Variants in ACTR10 observed in about 807,000 individuals in gnomAD.
ACTR10 encodes actin-related protein 10.
ACTR10 carries 43 observed loss-of-function variants against 56.2 expected under a neutral mutation model. That is an observed-to-expected ratio of 0.77 (90% CI 0.60 to 0.99). The LOEUF is 0.99. ACTR10 is among the 50% of genes least tolerant of loss of function. The pLI, the probability that ACTR10 is intolerant of heterozygous loss-of-function variation, is 0.00. For synonymous variants in ACTR10, 170 were observed against 176.3 expected (o/e 0.96, Z 0.28); for missense variants, 466 against 507.8 (o/e 0.92, Z 0.79).
chr14:58,230,462 A>G lies in ACTR10; in HGVS notation c.852A>G (p.Ile284Met). The G allele has an allele frequency of 6.3e-7, 1 of 1,589,086 alleles. No individual in the cohort carries two copies. ...DNEEQSVATL[I>M]LDSLIQCPID... ...AAGAGCAATCAGTTGCCACTTTAAT[A>G]TTGGATTCCCTTATACAGGTATTTT... The change falls in exon 11 of 13, where the codon ATA (isoleucine) becomes ATG (methionine). Residue 284 changes from isoleucine to methionine, a missense_variant. Ile to Met is a conservative substitution (Grantham distance 10, BLOSUM62 1). Transcript: ENST00000254286.
In ACTR10 at chr14:58,230,448, G is replaced by C. The variant is rs913369403; in HGVS notation, c.838G>C (p.Val280Leu). 6.3e-7 allele frequency: 1 copy of C among 1,588,720 alleles called. No individual in the cohort carries two copies. The highest frequency in any genetic ancestry group is 1.8e-5 in the Admixed American group (1 of 55,462). The stretch of plus-strand genomic sequence containing the variant: ...TGAACAAGATAATGAAGAGCAATCA[G>C]TTGCCACTTTAATATTGGATTCCCT... ...LFEQDNEEQSVATLILDSLIQ... is the reference protein window; with the variant it reads ...LFEQDNEEQSLATLILDSLIQ... Residue 280 changes from valine to leucine, a missense_variant, in exon 11 of 13, where the codon GTT becomes CTT. By Grantham distance (32) the Val-to-Leu change is conservative. Coordinates refer to ENST00000254286, the MANE Select transcript of ACTR10 (RefSeq NM_018477.3).
intron 4 of ACTR10, among the ~76,000 whole-genome samples, chr14:58,210,766 C>T (rs1309512414): frequency 6.6e-6 from 1 of 151,732 alleles, no homozygotes; most frequent in East Asian, 1.9e-4. Context: ...CCTCCGCCTC[C>T]TGGGTTCAAG....
At chr14:58,214,829 G>C (rs909123855) in intron 6 of ACTR10, among the ~76,000 whole-genome samples, 1 of 151,098 alleles carries the variant, frequency 6.6e-6, no homozygotes, top group South Asian at 2.1e-4. Flanking sequence ...AATCGGGCTG[G>C]GTGTGGTGGC....
At position 58,213,701 on chromosome 14, in the gene ACTR10, A is replaced by C; in HGVS notation, c.518+3A>C. 1 of 1,608,454 alleles carries C rather than the reference A, an allele frequency of 6.2e-7. No individual in the cohort carries two copies. Among genetic ancestry groups the C allele is most frequent in the Non-Finnish European group, 8.5e-7 (1 of 1,176,716 alleles). ...CTAGGAGGAAAAGCTCTTCACAAGT[A>C]AGTTTCTTGGAATTTAACATATTCA... On this transcript the variant is annotated splice_donor_region_variant and intron_variant, in intron 6 of 12. Transcript: ENST00000254286.
intron 7 of ACTR10, among the ~76,000 whole-genome samples, chr14:58,216,760 C>G (rs1305550730): frequency 6.6e-6 from 1 of 152,186 alleles, no homozygotes; most frequent in African/African-American, 2.4e-5. Flanking sequence ...AATGGTGAAG[C>G]CTTCCTCATC....
intron 10 of ACTR10, among the ~76,000 whole-genome samples, chr14:58,225,546 T>C (rs111813958): frequency 1.6e-4 from 24 of 152,250 alleles, no homozygotes; most frequent in African/African-American, 5.5e-4. Flanking sequence ...AGTAAGAATG[T>C]AGTACTTTTT....
At chr14:58,221,354 G>C (rs1417797767) in intron 8 of ACTR10, among the ~76,000 whole-genome samples, 1 of 151,850 alleles carries the variant, frequency 6.6e-6, no homozygotes, top group Non-Finnish European at 1.5e-5. Context: ...AGCACTTTGG[G>C]AGGCCAAGGC....
intron 7 of ACTR10, among the ~76,000 whole-genome samples, chr14:58,216,277 A>G (rs919233463): frequency 2.0e-5 from 3 of 152,098 alleles, no homozygotes; most frequent in African/African-American, 7.2e-5. Context: ...GGCGCAAGCC[A>G]CCACACCCAG....
intron 8 of ACTR10, among the ~76,000 whole-genome samples, chr14:58,223,252 T>G (rs1007598905): frequency 1.3e-5 from 2 of 152,154 alleles, no homozygotes; most frequent in African/African-American, 4.8e-5. Context: ...TTCTCCTGCC[T>G]CCTCCTCCGG....
At chr14:58,223,441 A>AAACTC in intron 8 of ACTR10, 181 bp from the exon 9 acceptor site, 1 of 615,002 alleles carries the variant, frequency 1.6e-6, no homozygotes, top group Non-Finnish European at 2.8e-6. Context: ...CCTGGCCAAA[A>AAACTC]CAGGTTTTTT....
At chr14:58,234,333 T>G (rs374754051) in intron 12 of ACTR10, 37 bp from the exon 13 acceptor site, 1 of 1,510,236 alleles carries the variant, frequency 6.6e-7, no homozygotes, top group Non-Finnish European at 8.9e-7. Flanking sequence ...TGGTAAAAGT[T>G]TTCATCTTAG....
In ACTR10 at chr14:58,210,047, C is replaced by A. The variant is rs1482258067; in HGVS notation, c.342+940C>A. Among the ~76,000 whole-genome samples, 4 of 152,042 alleles carry A rather than the reference C, an allele frequency of 2.6e-5. No individual in the cohort carries two copies. In the East Asian group the frequency reaches 7.7e-4, roughly 29 times the overall value. ...CATTTGTAGTAAGGAGAACATAAAG[C>A]AAAACAAGAAGTCGTGTCAGCTGTT... On this transcript the variant is annotated intron_variant, in intron 4 of 12. Transcript: ENST00000254286.
intron 2 of ACTR10, among the ~76,000 whole-genome samples, chr14:58,203,796 A>G (rs1038208666): frequency 6.6e-6 from 1 of 152,248 alleles, no homozygotes; most frequent in African/African-American, 2.4e-5. Flanking sequence ...CAACCAGTAG[A>G]AAGAATGATT....
chr14:58,213,244 TATA>T (rs1413616663), intron 5 of ACTR10: 1 of 158,232 alleles, frequency 6.3e-6, no homozygotes. Context: ...ATACAAAAAT[TATA>T]ATGAGGTATT....
intron 7 of ACTR10, among the ~76,000 whole-genome samples, chr14:58,218,963 C>T (rs894264730): frequency 1.3e-5 from 2 of 152,162 alleles, no homozygotes; most frequent in Non-Finnish European, 2.9e-5. Flanking sequence ...GCTGGGATTA[C>T]AGGCATGCAC....
At chr14:58,219,152 T>C (rs1239155467) in intron 7 of ACTR10, among the ~76,000 whole-genome samples, 1 of 152,194 alleles carries the variant, frequency 6.6e-6, no homozygotes, top group East Asian at 1.9e-4. Flanking sequence ...TCGAAGACTT[T>C]AAGTTAGAAA....
chr14:58,207,148 C>G (rs1888886414), intron 2 of ACTR10: 1 of 164,238 alleles, frequency 6.1e-6, no homozygotes, highest in African/African-American at 2.4e-5. Flanking sequence ...TCAAGCAGTT[C>G]TCCCACTTCA....
rs541982613 is a variant in ACTR10, at chr14:58,211,200, G to T, written c.343-92G>T. 71 of 916,078 alleles carry T rather than the reference G, an allele frequency of 7.8e-5. 1 individual carries two copies. In the South Asian group the frequency reaches 1.0e-3, roughly 13 times the overall value. 56.7% of individuals were successfully genotyped at this position (916,078 alleles called of 1,614,324 possible). On this transcript the variant is annotated intron_variant, in intron 4 of 12. Transcript: ENST00000254286. Reference sequence around the variant, plus strand: ...ATATAAATTAATATAATGTTCCTGTGAATTTTTTCAAATATATTTGGATAT... The same window carrying T: ...ATATAAATTAATATAATGTTCCTGTTAATTTTTTCAAATATATTTGGATAT...
At chr14:58,232,850 T>A (rs372548777) in intron 12 of ACTR10, among the ~76,000 whole-genome samples, 1 of 151,360 alleles carries the variant, frequency 6.6e-6, no homozygotes, top group South Asian at 2.1e-4. Context: ...TTTATTCCAG[T>A]GATGCTACCA....
Sources: gnomAD v4.1 joint callset for allele counts (sites outside exome capture counted in the v4.1 genomes callset) on GRCh38, gnomAD v4.1.1 for gene constraint, MANE v1.5 for transcripts, NCBI Gene and HGNC (gene_info 2026-07-23, HGNC 2026-07-21) for gene names.